TAFA5: variants seen among roughly 807,000 people sequenced by gnomAD.
TAFA5 encodes the protein chemokine-like protein TAFA-5.
A neutral mutation model predicts 15.3 loss-of-function variants in TAFA5; 6 were observed. The observed-to-expected ratio is 0.39, with a 90% confidence interval of 0.21 to 0.77. TAFA5 has a LOEUF of 0.77. TAFA5 is among the 30% of genes least tolerant of loss of function. The pLI, the probability that TAFA5 is intolerant of heterozygous loss-of-function variation, is 0.41. For synonymous variants in TAFA5, 103 were observed against 80.7 expected, an observed-to-expected ratio of 1.28 and a Z score of -1.48; for missense variants, 161 against 193.1, an observed-to-expected ratio of 0.83 and a Z score of 0.98.
At chr22:48,498,997 G>A (rs6008740) in intron 1 of TAFA5, among the ~76,000 whole-genome samples, 26,215 of 152,158 alleles carry the variant, frequency 0.17, 2,775 homozygotes, top group East Asian at 0.41. Context: ...CGTCCCGTGC[G>A]TGTCCCTTGC....
At chr22:48,614,805 T>A (rs1038608707) in intron 1 of TAFA5, among the ~76,000 whole-genome samples, 1 of 152,062 alleles carries the variant, frequency 6.6e-6, no homozygotes, top group Non-Finnish European at 1.5e-5. Context: ...CCAGCACTTG[T>A]AGTGTGTGAG....
intron 2 of TAFA5, chr22:48,693,302 C>G (rs1430821754): frequency 3.1e-6 from 5 of 1,606,486 alleles, no homozygotes; most frequent in African/African-American, 2.7e-5. Flanking sequence ...GAAATTTGCC[C>G]TAAGAGAGTA....
chr22:48,500,665 C>T (rs985813242), intron 1 of TAFA5, among the ~76,000 whole-genome samples: 1 of 152,344 alleles, frequency 6.6e-6, no homozygotes, highest in Admixed American at 6.5e-5. Context: ...CTTGCGCTTC[C>T]CGTGACGACG....
intron 1 of TAFA5, among the ~76,000 whole-genome samples, chr22:48,627,015 C>T (rs1242831134): frequency 2.0e-5 from 3 of 152,172 alleles, no homozygotes; most frequent in African/African-American, 4.8e-5. Flanking sequence ...AGGATGGCCG[C>T]GGGGCCCCTT....
intron 1 of TAFA5, among the ~76,000 whole-genome samples, chr22:48,618,693 T>A (rs1190511180): frequency 6.6e-6 from 1 of 152,244 alleles, no homozygotes; most frequent in African/African-American, 2.4e-5. Flanking sequence ...CTTGCTGCTC[T>A]GCTGGGCAGT....
chr22:48,539,282 C>A, intron 1 of TAFA5: 1 of 456,408 alleles, frequency 2.2e-6, no homozygotes, highest in Admixed American at 2.4e-5. Flanking sequence ...CAGAAAGACC[C>A]TGGCGGACTC....
At chr22:48,648,860 A>G (rs1432067363) in intron 2 of TAFA5, among the ~76,000 whole-genome samples, 2 of 152,172 alleles carry the variant, frequency 1.3e-5, no homozygotes, top group African/African-American at 4.8e-5. Context: ...TGCTGGTATC[A>G]CCGGGAGAAA....
chr22:48,668,598 AGTCCCCC>A (rs1428361199), intron 2 of TAFA5, among the ~76,000 whole-genome samples: 1 of 60,762 alleles, frequency 1.6e-5, no homozygotes, highest in Non-Finnish European at 2.9e-5. Flanking sequence ...TGGGAGCTGT[AGTCCCCC>A]AGCACTCAGG....
intron 2 of TAFA5, among the ~76,000 whole-genome samples, chr22:48,671,242 G>A (rs1300701264): frequency 6.6e-6 from 1 of 152,206 alleles, no homozygotes. Context: ...AGGAGGACCA[G>A]AATGAGCAGG....
rs140233134 is a variant in TAFA5, at chr22:48,634,289, T to G, written c.113-12308T>G. On this transcript the variant is annotated intron_variant, in intron 1 of 3. Coordinates refer to ENST00000402357, the MANE Select transcript of TAFA5 (RefSeq NM_001082967.3). ...TCACTCATCACTCACTCATCACTCA[T>G]TCGTTAACTCACTTATTCACTCATT... is the stretch of plus-strand genomic sequence containing the variant. Among the ~76,000 whole-genome samples the G allele has an allele frequency of 1.5e-4, 23 of 151,704 alleles. No individual in the cohort carries two copies. The East Asian group carries it at 1.7e-3, about 11-fold the overall frequency.
chr22:48,585,705 C>G (rs922334871), intron 1 of TAFA5, among the ~76,000 whole-genome samples: 1 of 151,246 alleles, frequency 6.6e-6, no homozygotes, highest in Non-Finnish European at 1.5e-5. Context: ...TACACAGACA[C>G]AGAATATACC....
chr22:48,605,880 A>G (rs75893415), intron 1 of TAFA5, among the ~76,000 whole-genome samples: 19,445 of 152,164 alleles, frequency 0.13, 1,346 homozygotes, highest in African/African-American at 0.17. Context: ...AGCGTCCATG[A>G]GGGCAGGTTC....
chr22:48,610,188 C>T (rs963560185), intron 1 of TAFA5, among the ~76,000 whole-genome samples: 2 of 152,030 alleles, frequency 1.3e-5, no homozygotes, highest in Non-Finnish European at 2.9e-5. Flanking sequence ...CTTCCCGTGG[C>T]CCCCGAGAAG....
intron 2 of TAFA5, among the ~76,000 whole-genome samples, chr22:48,659,054 C>T (rs564690942): frequency 1.4e-3 from 219 of 152,340 alleles, no homozygotes; most frequent in African/African-American, 4.8e-3. Flanking sequence ...CAGCAGAGTC[C>T]GGGGCAAGTC....
intron 2 of TAFA5, among the ~76,000 whole-genome samples, chr22:48,658,250 G>A (rs1295947503): frequency 6.6e-6 from 1 of 152,174 alleles, no homozygotes; most frequent in East Asian, 1.9e-4. Flanking sequence ...GTGGGTGGGG[G>A]AGCAGCGAGG....
At chr22:48,629,005 G>C (rs537038433) in intron 1 of TAFA5, among the ~76,000 whole-genome samples, 3 of 152,290 alleles carry the variant, frequency 2.0e-5, no homozygotes, top group Non-Finnish European at 2.9e-5. Flanking sequence ...GAGTAAAGAG[G>C]AGTGTGAGGG....
At chr22:48,721,343 G>A (rs1601697623) in intron 3 of TAFA5, among the ~76,000 whole-genome samples, 4 of 152,086 alleles carry the variant, frequency 2.6e-5, no homozygotes, top group East Asian at 3.9e-4. Context: ...CGCCCGCTGC[G>A]TGTGACCTCA....
At chr22:48,576,353 C>G in intron 1 of TAFA5, 1 of 1,205,692 alleles carries the variant, frequency 8.3e-7, no homozygotes, top group Non-Finnish European at 1.0e-6. Flanking sequence ...CGCGGCGGAG[C>G]GCGGCGTTGG....
chr22:48,695,095 G>A (rs772016135), intron 2 of TAFA5, among the ~76,000 whole-genome samples: 4 of 151,926 alleles, frequency 2.6e-5, no homozygotes, highest in Non-Finnish European at 5.9e-5. Flanking sequence ...ATTTGACTTC[G>A]TGAGGCCAGG....
Sources: gnomAD v4.1 joint callset for allele counts (sites outside exome capture counted in the v4.1 genomes callset) on GRCh38, gnomAD v4.1.1 for gene constraint, MANE v1.5 for transcripts, NCBI Gene and HGNC (gene_info 2026-07-23, HGNC 2026-07-21) for gene names.